SLC25A29: variants seen among roughly 807,000 people sequenced by gnomAD.
SLC25A29 encodes mitochondrial basic amino acids transporter.
Under a neutral mutation model 10.0 loss-of-function variants are expected in SLC25A29, and 13 were observed. The observed-to-expected ratio is 1.30, with a 90% CI of 0.85 to 2.07. The LOEUF is 2.07. SLC25A29 is among the 30% of genes most tolerant of loss of function. The pLI is 0.00. For missense variants in SLC25A29, 475 were observed against 447.6 expected, an observed-to-expected ratio of 1.06 and a Z score of -0.55; for synonymous variants, 244 against 221.1, an observed-to-expected ratio of 1.10 and a Z score of -0.92.
rs977184560 is a variant in SLC25A29, at chr14:100,295,556, T to G, written c.79-2179A>C. The G allele has an allele frequency of 6.3e-6, 8 of 1,269,966 alleles. No homozygotes were observed. In the Admixed American group the frequency reaches 1.4e-4, roughly 22 times the overall value. 78.7% of individuals were successfully genotyped at this position (1,269,966 alleles called of 1,614,324 possible). A position where few individuals can be genotyped will look rare whatever the true frequency, so the allele number is the denominator to read the frequency against. On this transcript the variant is annotated intron_variant, in intron 2 of 3. Transcript: ENST00000359232. ...CTGTCCCCTGCTACGGAGGGAACTC[T>G]GGGGTTGGGGAGATGGGCATGACAG... is the stretch of plus-strand genomic sequence containing the variant.
downstream of SLC25A29, among the ~76,000 whole-genome samples, chr14:100,289,162 C>T (rs80322974): frequency 2.3e-3 from 343 of 152,360 alleles, 1 homozygote; most frequent in African/African-American, 8.0e-3. Flanking sequence ...CCAGAAGGAA[C>T]CAACCCTGCC....
rs945667116 is a variant in SLC25A29, at chr14:100,299,039, A to G, written c.35-154T>C. ...CCTGTGGGTGCAGCAGGCAGATCCC[A>G]TGAGCCCCTGGAATCCTCACGTCCA... On this transcript the variant is annotated intron_variant, in intron 1 of 3. Transcript: ENST00000359232. The G allele has an allele frequency of 5.5e-6, 8 of 1,455,826 alleles. No individual in the cohort carries two copies. The African/African-American group carries it at 1.0e-4, about 18-fold the overall frequency. The allele number at this position is 1,455,826 out of a possible 1,614,324, so 90.2% of individuals were successfully genotyped here. A position where few individuals can be genotyped will look rare whatever the true frequency, so the allele number is the denominator to read the frequency against.
chr14:100,305,949 C>A, intron 1 of SLC25A29: 1 of 395,684 alleles, frequency 2.5e-6, no homozygotes, highest in Non-Finnish European at 4.5e-6. Context: ...AGCCACGGTG[C>A]TGCCCCGGCG....
chr14:100,292,185 C>G lies in SLC25A29; in HGVS notation c.*98G>C, dbSNP rs1026512076. ...CCCACGTCTGATAGACTCCACAGCT[C>G]GCAGCATCCCAGCAGGAAGCAGGGC... On this transcript the variant is annotated 3_prime_UTR_variant, in exon 4 of 4. Coordinates refer to ENST00000359232, the MANE Select transcript of SLC25A29 (RefSeq NM_001039355.3). 3.4e-6 allele frequency: 5 copies of G among 1,462,660 alleles called. No individual in the cohort carries two copies. In the East Asian group the frequency reaches 1.0e-4, roughly 30 times the overall value. The allele number at this position is 1,462,660 out of a possible 1,614,324, so 90.6% of individuals were successfully genotyped here.
At chr14:100,283,949 A>G in the SLC25A29 span, among the ~76,000 whole-genome samples, 6,649 of 152,184 alleles carry the variant, frequency 0.044, 220 homozygotes, top group Non-Finnish European at 0.063. Flanking sequence ...TGGCACGACC[A>G]TAGCTCACTG....
At chr14:100,294,934 TG>T (rs1372359900) in intron 2 of SLC25A29, 1 of 152,256 alleles carries the variant, frequency 6.6e-6, no homozygotes, top group African/African-American at 2.4e-5. Flanking sequence ...CGAGGTTTGC[TG>T]CTCTCCCTTC....
downstream of SLC25A29, among the ~76,000 whole-genome samples, chr14:100,286,472 G>GT (rs1006608889): frequency 3.7e-5 from 5 of 136,894 alleles, no homozygotes; most frequent in Non-Finnish European, 6.2e-5. Flanking sequence ...AGCATGGCTG[G>GT]GGGGGGGGGT....
In SLC25A29 at chr14:100,292,350, C is replaced by T. The variant is rs752197739; in HGVS notation, c.845G>A (p.Gly282Glu). The T allele has an allele frequency of 6.7e-7, 1 of 1,499,280 alleles. No homozygotes were observed. Among genetic ancestry groups the T allele is most frequent in the Non-Finnish European group, 8.9e-7 (1 of 1,129,804 alleles). The allele number at this position is 1,499,280 out of a possible 1,614,324, so 92.9% of individuals were successfully genotyped here. Residue 282 changes from glycine (G) to glutamate (E), a missense_variant, in exon 4 of 4, where the codon GGG becomes GAG. Transcript: ENST00000359232. The part of the protein sequence containing the change: ...VLTYARGEEA[G>E]PEGEAVPAAP... ...GGCGGGCACAGCCTCGCCCTCGGGCCCGGCCTCCTCGCCGCGCGCGTAGGT... is the reference window on the plus strand; with the variant it reads ...GGCGGGCACAGCCTCGCCCTCGGGCTCGGCCTCCTCGCCGCGCGCGTAGGT...
intron 2 of SLC25A29, 125 bp downstream of exon 2, chr14:100,298,717 C>T (rs576768450): frequency 3.1e-4 from 385 of 1,226,664 alleles, no homozygotes; most frequent in Admixed American, 1.6e-3. Flanking sequence ...AGGTTCAACC[C>T]GGCCTGGTGT....
chr14:100,297,439 A>G (rs1477798231), intron 2 of SLC25A29, among the ~76,000 whole-genome samples: 5 of 152,186 alleles, frequency 3.3e-5, no homozygotes, highest in Non-Finnish European at 7.3e-5. Context: ...CATAGCTCAG[A>G]GAGCCCAGGC....
intron 2 of SLC25A29, chr14:100,296,383 T>C (rs1220151355): frequency 2.5e-5 from 6 of 236,172 alleles, no homozygotes; most frequent in Non-Finnish European, 4.3e-5. Context: ...GGGCTATGAT[T>C]GCACCACTGC....
At chr14:100,279,137 G>A in the SLC25A29 span, 2 of 152,318 alleles carry the variant, frequency 1.3e-5, no homozygotes, top group South Asian at 2.1e-4. Context: ...CGATTATAAT[G>A]TTGGATCTTA....
chr14:100,293,166 T>C (rs1159140503), intron 3 of SLC25A29, 128 bp downstream of exon 3: 2 of 1,459,562 alleles, frequency 1.4e-6, no homozygotes, highest in South Asian at 2.7e-5. Context: ...CGTTAGAACC[T>C]AGGTCCTGAC....
intron 2 of SLC25A29, chr14:100,295,779 C>A (rs772822066): frequency 1.6e-6 from 2 of 1,289,620 alleles, no homozygotes; most frequent in South Asian, 1.2e-5. Flanking sequence ...AGCCAGCCCC[C>A]ACCCACACTC....
downstream of SLC25A29, among the ~76,000 whole-genome samples, chr14:100,289,676 C>G (rs536102139): frequency 1.1e-4 from 17 of 151,792 alleles, no homozygotes; most frequent in Non-Finnish European, 1.8e-4. Context: ...AACCCTGTCT[C>G]TAATAAAAAT....
intron 1 of SLC25A29, chr14:100,299,090 C>G: frequency 7.0e-7 from 1 of 1,422,554 alleles, no homozygotes; most frequent in Non-Finnish European, 9.2e-7. Context: ...TGTGACATCC[C>G]AAGGCCAAGC....
At chr14:100,287,242 CTG>C (rs1891561318), downstream of SLC25A29, among the ~76,000 whole-genome samples, 1 of 152,286 alleles carries the variant, frequency 6.6e-6, no homozygotes, top group South Asian at 2.1e-4. Context: ...AAGGGGAAGT[CTG>C]TGTGTGAAGC....
chr14:100,297,103 T>C (rs945353654), intron 2 of SLC25A29, among the ~76,000 whole-genome samples: 10 of 152,102 alleles, frequency 6.6e-5, no homozygotes, highest in African/African-American at 2.2e-4. Context: ...ACAGACTCCA[T>C]CTCAAAGAAA....
At chr14:100,304,735 G>C (rs1892799863) in intron 1 of SLC25A29, among the ~76,000 whole-genome samples, 1 of 152,228 alleles carries the variant, frequency 6.6e-6, no homozygotes, top group Non-Finnish European at 1.5e-5. Context: ...GACGTGCAGA[G>C]GAGACCACAG....
Sources: gnomAD v4.1 joint callset for allele counts (sites outside exome capture counted in the v4.1 genomes callset) on GRCh38, gnomAD v4.1.1 for gene constraint, MANE v1.5 for transcripts, NCBI Gene and HGNC (gene_info 2026-07-23, HGNC 2026-07-21) for gene names.